The following COL19A1 variants were observed in gnomAD, a reference collection of about 807,000 sequenced individuals.
The protein encoded by COL19A1 is collagen type XIX alpha 1 chain, also known as collagen alpha-1(XIX) chain.
Under a neutral mutation model 190.2 loss-of-function variants are expected in COL19A1, and 159 were observed. The observed-to-expected ratio is 0.84, with a 90% CI of 0.73 to 0.95. The LOEUF is 0.95. Ranked by LOEUF, COL19A1 falls within the 40% of genes least tolerant of loss-of-function variation. The pLI, the probability that COL19A1 is intolerant of heterozygous loss-of-function variation, is 0.00. For synonymous variants in COL19A1, 509 were observed against 458.9 expected (o/e 1.11, Z -1.39); for missense variants, 1,418 against 1,431.9 (o/e 0.99, Z 0.16).
intron 14 of COL19A1, among the ~76,000 whole-genome samples, chr6:70,051,764 G>A (rs891675042): frequency 6.6e-6 from 1 of 151,974 alleles, no homozygotes; most frequent in Non-Finnish European, 1.5e-5. Flanking sequence ...ATACTGTCTT[G>A]GTGTCTGGCA....
chr6:69,989,467 G>T (rs1222102344), intron 11 of COL19A1, among the ~76,000 whole-genome samples: 1 of 151,362 alleles, frequency 6.6e-6, no homozygotes. Context: ...TTTTGATGTA[G>T]ATCAAGCTTG....
intron 9 of COL19A1, among the ~76,000 whole-genome samples, chr6:69,953,321 T>C (rs1172643072): frequency 1.3e-5 from 2 of 151,980 alleles, no homozygotes; most frequent in Non-Finnish European, 2.9e-5. Context: ...ACACACAGGA[T>C]TGAATTTTTA....
intron 4 of COL19A1, among the ~76,000 whole-genome samples, chr6:69,924,515 G>A (rs1048883149): frequency 6.6e-6 from 1 of 152,142 alleles, no homozygotes. Context: ...ATGGACACGT[G>A]GGTTGGTTCC....
intron 16 of COL19A1, among the ~76,000 whole-genome samples, chr6:70,113,239 A>G (rs1168713236): frequency 1.3e-5 from 2 of 152,188 alleles, no homozygotes; most frequent in African/African-American, 4.8e-5. Flanking sequence ...CCAGCTTCCA[A>G]CTAAACTGTT....
At chr6:69,983,328 T>C (rs1462437444) in intron 11 of COL19A1, among the ~76,000 whole-genome samples, 1 of 152,190 alleles carries the variant, frequency 6.6e-6, no homozygotes, top group Admixed American at 6.5e-5. Context: ...TATATCAAAA[T>C]ACATTGATTT....
intron 11 of COL19A1, among the ~76,000 whole-genome samples, chr6:69,986,606 A>AT (rs1411213362): frequency 6.6e-6 from 1 of 152,226 alleles, no homozygotes; most frequent in Non-Finnish European, 1.5e-5. Context: ...ACCTATACAC[A>AT]TAATGTACTA....
rs139894284 is a variant in COL19A1, at chr6:70,003,963, G to C, written c.1027-19664G>C. Among the ~76,000 whole-genome samples the C allele has an allele frequency of 3.4e-3, 516 of 152,266 alleles. 3 individuals are homozygous for C. Among genetic ancestry groups the C allele is most frequent in the African/African-American group, 0.012 (495 of 41,564 alleles). On this transcript the variant is annotated intron_variant, in intron 11 of 50. Transcript: ENST00000620364. ...CATTAGTTGATGCAATTTCTTCATA[G>C]TGTCATTGGTCTTTATATTTTGGTG... is the stretch of plus-strand genomic sequence containing the variant.
At chr6:70,175,997 A>C (rs1248572256) in intron 41 of COL19A1, among the ~76,000 whole-genome samples, 3 of 152,142 alleles carry the variant, frequency 2.0e-5, no homozygotes, top group Non-Finnish European at 4.4e-5. Flanking sequence ...TTGGCTCTTA[A>C]AAAGGAGTTG....
At position 70,207,595 on chromosome 6, in the gene COL19A1, A is replaced by T. The variant is rs549053252; in HGVS notation, c.*321A>T. Reference sequence around the variant, plus strand: ...GAAATTGCATCTTGTGACTTAGTAGACTGATGATGATATCCATTTTGTAGA... The same window carrying T: ...GAAATTGCATCTTGTGACTTAGTAGTCTGATGATGATATCCATTTTGTAGA... On this transcript the variant is annotated 3_prime_UTR_variant, in exon 51 of 51. Coordinates refer to ENST00000620364, the MANE Select transcript of COL19A1 (RefSeq NM_001858.6). 2.8e-4 allele frequency: 47 copies of T among 166,134 alleles called. 1 individual carries two copies. The South Asian group carries it at 8.7e-3, about 31-fold the overall frequency. The allele number at this position is 166,134 out of a possible 1,614,324, so 10.3% of individuals were successfully genotyped here. A position where few individuals can be genotyped will look rare whatever the true frequency, so the allele number is the denominator to read the frequency against.
chr6:70,201,580 C>A (rs575736866), intron 49 of COL19A1, among the ~76,000 whole-genome samples: 3 of 152,300 alleles, frequency 2.0e-5, no homozygotes, highest in African/African-American at 7.2e-5. Flanking sequence ...ATTGTCAAAA[C>A]TTTTGTCTCC....
chr6:70,006,526 A>G (rs897877079), intron 11 of COL19A1, among the ~76,000 whole-genome samples: 5 of 152,152 alleles, frequency 3.3e-5, no homozygotes, highest in Admixed American at 3.3e-4. Context: ...TGAAGGATTC[A>G]CACGCTTATT....
intron 11 of COL19A1, among the ~76,000 whole-genome samples, chr6:69,972,339 T>C (rs1036428040): frequency 1.3e-5 from 2 of 152,204 alleles, no homozygotes; most frequent in Non-Finnish European, 2.9e-5. Flanking sequence ...GCATGAGGAT[T>C]TTGTTTGTCT....
At chr6:70,093,770 T>C (rs926897039) in intron 15 of COL19A1, among the ~76,000 whole-genome samples, 7 of 152,206 alleles carry the variant, frequency 4.6e-5, no homozygotes, top group African/African-American at 7.2e-5. Context: ...ATTCAGATTA[T>C]CATTTATTGA....
Position 70,156,318 on chromosome 6 carries a change from T to A in COL19A1, c.2187T>A (p.Gly729=), listed in dbSNP as rs1562228045. The change falls in exon 33 of 51, where the codon GGT becomes GGA. Residue 729 remains glycine (G), a splice_region_variant and synonymous_variant. Coordinates refer to ENST00000620364, the MANE Select transcript of COL19A1 (RefSeq NM_001858.6). ...TCTGTTCTTCCTCTGTCTTCTAGGG[T>A]GATATAGGGCCACGGGGTCCTCCAG... The part of the protein sequence containing the change: ...PGKYDSMARK[G]DIGPRGPPGI... 1 of 1,613,188 alleles carries A rather than the reference T, an allele frequency of 6.2e-7. No individual in the cohort carries two copies. Among genetic ancestry groups the A allele is most frequent in the South Asian group, 1.1e-5 (1 of 91,058 alleles).
chr6:69,879,308 T>C (rs566055747), intron 1 of COL19A1, among the ~76,000 whole-genome samples: 37 of 152,288 alleles, frequency 2.4e-4, no homozygotes, highest in Non-Finnish European at 4.7e-4. Context: ...AGAAGCTGTA[T>C]CAACATCAAT....
chr6:70,165,657 A>G (rs971357808), intron 36 of COL19A1, among the ~76,000 whole-genome samples: 2 of 152,134 alleles, frequency 1.3e-5, no homozygotes, highest in African/African-American at 4.8e-5. Context: ...AGTCCAGGAC[A>G]TGAGCACCTG....
intron 2 of COL19A1, among the ~76,000 whole-genome samples, chr6:69,896,415 T>TA (rs1362429192): frequency 6.6e-6 from 1 of 151,636 alleles, no homozygotes; most frequent in Admixed American, 6.6e-5. Flanking sequence ...CGGGTGCCTG[T>TA]AGTCCCAGCT....
Position 69,910,687 on chromosome 6 carries a change from T to G in COL19A1, c.266+10349T>G, listed in dbSNP as rs191496240. Among the ~76,000 whole-genome samples the G allele has an allele frequency of 2.7e-3, 413 of 152,302 alleles. 3 individuals carry two copies. The highest frequency in any genetic ancestry group is 9.3e-3 in the African/African-American group (388 of 41,566). ...CTATTGTTGGATTATATATTAGATT[T>G]TTTTCTTTTTCCAGTCATTCTTTTA... is the stretch of plus-strand genomic sequence containing the variant. On this transcript the variant is annotated intron_variant, in intron 4 of 50. Transcript: ENST00000620364.
rs116787327 is a variant in COL19A1, at chr6:70,171,015, A to G, written c.2569-949A>G. On this transcript the variant is annotated intron_variant, in intron 40 of 50. Coordinates refer to ENST00000620364, the MANE Select transcript of COL19A1 (RefSeq NM_001858.6). ...ACAAGAAGGCATCAAACAACTCCCC[A>G]CTTTATCTCTTTTTTAACTTAAAGC... is the stretch of plus-strand genomic sequence containing the variant. Among the ~76,000 whole-genome samples the G allele has an allele frequency of 1.6e-3, 250 of 152,242 alleles. 1 individual carries two copies. Among genetic ancestry groups the G allele is most frequent in the African/African-American group, 5.7e-3 (236 of 41,560 alleles).
Sources: allele counts gnomAD v4.1 joint callset (sites outside exome capture counted in the v4.1 genomes callset), GRCh38; gene constraint gnomAD v4.1.1; transcripts MANE v1.5; gene names NCBI Gene and HGNC (gene_info 2026-07-23, HGNC 2026-07-21).